Variants in STN1 observed in about 807,000 individuals in gnomAD.
STN1 encodes CST complex subunit STN1.
In STN1, 29 loss-of-function variants were observed where a neutral mutation model predicts 45.5. The observed-to-expected ratio is 0.64, with a 90% CI of 0.47 to 0.87. The LOEUF (loss-of-function observed/expected upper bound fraction) is 0.87, where lower values mean the gene tolerates loss of function less well. Among genes scored for constraint, STN1 ranks in the 40% least tolerant of loss-of-function variants. The pLI is 0.00. For missense variants in STN1, 376 were observed against 441.4 expected (o/e 0.85, Z 1.33); for synonymous variants, 148 against 159.0 (o/e 0.93, Z 0.52).
At chr10:103,889,400 G>A (rs2273698) in intron 8 of STN1, among the ~76,000 whole-genome samples, 67,528 of 151,822 alleles carry the variant, frequency 0.44, 15,708 homozygotes, top group Admixed American at 0.5. Context: ...ACTTTTAAGG[G>A]ACAACTTTCT....
chr10:103,908,956 T>G (rs925917710), intron 3 of STN1, among the ~76,000 whole-genome samples: 5 of 151,848 alleles, frequency 3.3e-5, no homozygotes, highest in African/African-American at 1.2e-4. Flanking sequence ...CTGAGTTATA[T>G]GGAGACCACA....
chr10:103,909,408 G>GTATATATGTATATATGTATATATATGTA lies in STN1; in HGVS notation c.229+1091_229+1118dup, dbSNP rs1564634963. On this transcript the variant is annotated intron_variant, in intron 3 of 9. Coordinates refer to ENST00000224950, the MANE Select transcript of STN1 (RefSeq NM_024928.5). ...TATATATGTATATATGTATATATAT[G>GTATATATGTATATATGTATATATATGTA]TATATATGTATATATGTATATATAT... Among the ~76,000 whole-genome samples the GTATATATGTATATATGTATATATATGTA allele has an allele frequency of 2.3e-3, 106 of 46,596 alleles. 7 individuals carry two copies. The highest frequency in any genetic ancestry group is 7.7e-3 in the African/African-American group (104 of 13,486). 30.6% of individuals were successfully genotyped at this position (46,596 alleles called of 152,430 possible).
In STN1 at chr10:103,900,199, A is replaced by C. The variant is rs754257979; in HGVS notation, c.320T>G (p.Leu107Arg). Residue 107 changes from leucine to arginine, a missense_variant, in exon 5 of 10, where the codon CTC becomes CGC. Leu to Arg is a moderately radical substitution (Grantham distance 102, BLOSUM62 -2). Transcript: ENST00000224950. ...CTTCTTAAGTTGTGAGGTTAAGCTG[A>C]GCTCTCTTGCTGCACTTGGAGCAGC... Reference protein sequence around the residue: ...VSAAPSAARELSLTSQLKKLQ... With the variant: ...VSAAPSAARERSLTSQLKKLQ... 4 of 1,614,002 alleles carry C rather than the reference A, an allele frequency of 2.5e-6. No homozygotes were observed. Among genetic ancestry groups the C allele is most frequent in the Non-Finnish European group, 3.4e-6 (4 of 1,179,996 alleles).
At chr10:103,917,936 G>A (rs1171658266) in intron 1 of STN1, among the ~76,000 whole-genome samples, 164 bp downstream of exon 1, 1 of 152,252 alleles carries the variant, frequency 6.6e-6, no homozygotes, top group Non-Finnish European at 1.5e-5. Flanking sequence ...GTCTGTACAG[G>A]CGTAGCAGAA....
intron 7 of STN1, among the ~76,000 whole-genome samples, chr10:103,896,220 C>T (rs1843169754): frequency 6.6e-6 from 1 of 152,174 alleles, no homozygotes; most frequent in African/African-American, 2.4e-5. Flanking sequence ...TTATGCCAGC[C>T]CCGTTCTAGG....
chr10:103,883,750 C>A (rs1407383587), intron 9 of STN1, among the ~76,000 whole-genome samples: 1 of 152,102 alleles, frequency 6.6e-6, no homozygotes, highest in Admixed American at 6.6e-5. Context: ...TCCTGACAAA[C>A]AACTTTGTAT....
chr10:103,917,579 T>C lies in STN1; in HGVS notation c.16A>G (p.Ser6Gly). Residue 6 changes from serine to glycine, a missense_variant, in exon 2 of 10, where the codon AGC (serine) becomes GGC (glycine). Coordinates refer to ENST00000224950, the MANE Select transcript of STN1 (RefSeq NM_024928.5). MQPGS[S>G]RCEEETPSLL... ...GAAGGGGTCTCCTCTTCACACCGGC[T>C]GGATCCAGGCTGCATCAAGAGGCAG... 6.2e-7 allele frequency: 1 copy of C among 1,614,112 alleles called. No individual in the cohort carries two copies. Among genetic ancestry groups the C allele is most frequent in the South Asian group, 1.1e-5 (1 of 91,080 alleles).
At chr10:103,900,426 G>A (rs762144529) in intron 4 of STN1, among the ~76,000 whole-genome samples, 19 of 152,166 alleles carry the variant, frequency 1.2e-4, no homozygotes, top group Non-Finnish European at 2.6e-4. Context: ...ATTCAAGAGC[G>A]GGGTGAAAGG....
intron 7 of STN1, among the ~76,000 whole-genome samples, chr10:103,894,262 T>C (rs992763025): frequency 4.6e-5 from 7 of 152,192 alleles, no homozygotes; most frequent in Non-Finnish European, 8.8e-5. Context: ...AGAAATAAAT[T>C]GGAAACTAAC....
chr10:103,905,284 C>T (rs1843233617), intron 3 of STN1, 128 bp from the exon 4 acceptor site: 2 of 799,516 alleles, frequency 2.5e-6, no homozygotes, highest in Non-Finnish European at 4.3e-6. Context: ...AATCCCTTAT[C>T]AAACTCTCCT....
intron 9 of STN1, among the ~76,000 whole-genome samples, chr10:103,885,021 C>T (rs760976535): frequency 3.3e-5 from 5 of 152,108 alleles, no homozygotes; most frequent in Non-Finnish European, 5.9e-5. Context: ...AGACCTGGAG[C>T]TGCCACTGGA....
At chr10:103,891,834 A>G (rs1238716230) in intron 8 of STN1, among the ~76,000 whole-genome samples, 1 of 152,232 alleles carries the variant, frequency 6.6e-6, no homozygotes, top group Non-Finnish European at 1.5e-5. Context: ...ACCTGCATGT[A>G]CAAAAAGTTA....
At chr10:103,894,728 G>A (rs1168424692) in intron 7 of STN1, among the ~76,000 whole-genome samples, 7 of 147,570 alleles carry the variant, frequency 4.7e-5, no homozygotes, top group African/African-American at 1.7e-4. Flanking sequence ...AAAAAAAACA[G>A]TCACTAGCTA....
chr10:103,883,079 C>T (rs981137039), intron 9 of STN1, among the ~76,000 whole-genome samples: 9 of 152,356 alleles, frequency 5.9e-5, no homozygotes, highest in African/African-American at 1.9e-4. Context: ...GAACTTCAAC[C>T]TTCAAGGATT....
At chr10:103,897,830 G>C (rs1455664484) in intron 6 of STN1, 111 bp from the exon 7 acceptor site, 10 of 1,024,926 alleles carry the variant, frequency 9.8e-6, no homozygotes, top group Non-Finnish European at 1.4e-5. Context: ...ATTGGAGTTT[G>C]TTTTTCATAT....
At chr10:103,904,547 A>G (rs1843229061) in intron 4 of STN1, among the ~76,000 whole-genome samples, 1 of 152,178 alleles carries the variant, frequency 6.6e-6, no homozygotes, top group Non-Finnish European at 1.5e-5. Flanking sequence ...TACAATTTTA[A>G]AGTTCTTTTA....
chr10:103,886,969 C>T (rs1243661572), intron 9 of STN1, among the ~76,000 whole-genome samples: 1 of 152,182 alleles, frequency 6.6e-6, no homozygotes, highest in Non-Finnish European at 1.5e-5. Context: ...CTTCAGGGAC[C>T]TAAGACAGGC....
At chr10:103,909,434 GTATATATA>G (rs1163280565) in intron 3 of STN1, among the ~76,000 whole-genome samples, 887 of 56,506 alleles carry the variant, frequency 0.016, 33 homozygotes, top group Non-Finnish European at 0.02. Flanking sequence ...GTATATATAT[GTATATATA>G]TGTATATATG....
At chr10:103,895,282 G>T (rs898329378) in intron 7 of STN1, among the ~76,000 whole-genome samples, 2 of 152,228 alleles carry the variant, frequency 1.3e-5, no homozygotes, top group Non-Finnish European at 2.9e-5. Flanking sequence ...GTTCCCCACA[G>T]ATCATTTTGA....
Sources: allele counts gnomAD v4.1 joint callset (sites outside exome capture counted in the v4.1 genomes callset), GRCh38; gene constraint gnomAD v4.1.1; transcripts MANE v1.5; gene names NCBI Gene and HGNC (gene_info 2026-07-23, HGNC 2026-07-21).